Variants in PDIA6 observed in about 807,000 individuals in gnomAD.
PDIA6 encodes the protein protein disulfide-isomerase A6.
In PDIA6, 29 loss-of-function variants were observed where a neutral mutation model predicts 58.4. The ratio of observed to expected loss-of-function variants is 0.50; its 90% confidence interval spans 0.37 to 0.68. PDIA6 has a LOEUF of 0.68. Ranked by LOEUF, PDIA6 falls within the 30% of genes least tolerant of loss-of-function variation. The pLI is 0.00. For missense variants in PDIA6, 480 were observed against 551.0 expected (o/e 0.87, Z 1.29); for synonymous variants, 192 against 202.6 (o/e 0.95, Z 0.44).
Position 10,789,789 on chromosome 2 carries a change from T to C in PDIA6, c.800A>G (p.Asp267Gly). The change falls in exon 8 of 13, where the codon GAT (aspartate) becomes GGT (glycine). Residue 267 changes from aspartate to glycine, a missense_variant. Transcript: ENST00000272227. ...AGGTGGGGCGTTATCAGAAAACAAATCAAGGGCCCGGGACACGATGTCGGA... is the reference window on the plus strand; with the variant it reads ...AGGTGGGGCGTTATCAGAAAACAAACCAAGGGCCCGGGACACGATGTCGGA... Reference protein sequence around the residue: ...TRSDIVSRALDLFSDNAPPPE... With the variant: ...TRSDIVSRALGLFSDNAPPPE... 1 of 1,613,754 alleles carries C rather than the reference T, an allele frequency of 6.2e-7. No individual in the cohort carries two copies. Among genetic ancestry groups the C allele is most frequent in the Non-Finnish European group, 8.5e-7 (1 of 1,179,886 alleles).
chr2:10,836,861 G>C (rs978782912), upstream of PDIA6, among the ~76,000 whole-genome samples: 1 of 152,166 alleles, frequency 6.6e-6, no homozygotes, highest in African/African-American at 2.4e-5. Flanking sequence ...AGCAGACAGG[G>C]TTATGGGGAC....
intron 2 of PDIA6, among the ~76,000 whole-genome samples, chr2:10,801,524 T>G (rs1666511179): frequency 6.6e-6 from 1 of 152,242 alleles, no homozygotes; most frequent in Admixed American, 6.5e-5. Flanking sequence ...TTACTATTTA[T>G]GTATTTGCTA....
In PDIA6 at chr2:10,812,697, G is replaced by T; in HGVS notation, c.-1C>A. 6.5e-7 allele frequency: 1 copy of T among 1,530,106 alleles called. No homozygotes were observed. The allele number at this position is 1,530,106 out of a possible 1,614,324, so 94.8% of individuals were successfully genotyped here. ...ACCTACCGAGCACCAGGAGAGCCAT[G>T]CCGAGCGCCGGGCTACGTGCAGTCC... On this transcript the variant is annotated 5_prime_UTR_variant, in exon 1 of 13. Transcript: ENST00000272227.
Position 10,803,864 on chromosome 2 carries a change from C to T in PDIA6, c.20-1224G>A, listed in dbSNP as rs1309942267. 3.3e-5 allele frequency among the ~76,000 whole-genome samples: 5 copies of T among 151,282 alleles called. No individual in the cohort carries two copies. In the East Asian group the frequency reaches 9.7e-4, roughly 29 times the overall value. On this transcript the variant is annotated intron_variant, in intron 1 of 12. Transcript: ENST00000272227. ...CTTGTGATGCCTTGATAACTCTGAC[C>T]CTGAGTAGACCTAGGCTAATGTGCG...
chr2:10,789,194 T>TGG (rs1314784844), intron 8 of PDIA6, among the ~76,000 whole-genome samples: 1 of 151,846 alleles, frequency 6.6e-6, no homozygotes, highest in Non-Finnish European at 1.5e-5. Context: ...GTGGTGGAGG[T>TGG]GGGGTGATTA....
intron 1 of PDIA6, chr2:10,821,266 T>C: frequency 6.0e-6 from 1 of 167,638 alleles, no homozygotes; most frequent in South Asian, 1.5e-4. Flanking sequence ...CGTTGCACAG[T>C]AAGCCAGTGG....
rs766664568 is a variant in PDIA6 at position 10,802,615 on chromosome 2, C to T, written c.45G>A (p.Leu15=). The T allele has an allele frequency of 3.1e-5, 45 of 1,474,008 alleles. No homozygotes were observed. In the East Asian group the frequency reaches 1.2e-3, roughly 38 times the overall value. The allele number at this position is 1,474,008 out of a possible 1,614,324, so 91.3% of individuals were successfully genotyped here. A position where few individuals can be genotyped will look rare whatever the true frequency, so the allele number is the denominator to read the frequency against. ...TAGAGGAATACAGACCATTCACTGC[C>T]AGAAAGAAGGTACAGCTCACCAGAC... The part of the protein sequence containing the change: ...VLGLVSCTFF[L]AVNGLYSSSD... Residue 15 remains leucine, a synonymous_variant, in exon 2 of 13, where the codon CTG becomes CTA. Coordinates refer to ENST00000272227, the MANE Select transcript of PDIA6 (RefSeq NM_005742.4).
intron 2 of PDIA6, among the ~76,000 whole-genome samples, chr2:10,798,054 T>C (rs1734347): frequency 0.49 from 73,823 of 151,342 alleles, 19,465 homozygotes; most frequent in South Asian, 0.58. Context: ...GGCGTGGTGG[T>C]GCACGCTTGT....
At chr2:10,796,924 A>AT (rs1666290933) in intron 4 of PDIA6, among the ~76,000 whole-genome samples, 157 bp downstream of exon 4, 1 of 152,234 alleles carries the variant, frequency 6.6e-6, no homozygotes, top group East Asian at 1.9e-4. Flanking sequence ...CATCTTCAGA[A>AT]TGACTCGGAG....
At chr2:10,796,775 T>G (rs893658221) in intron 4 of PDIA6, among the ~76,000 whole-genome samples, 2 of 152,220 alleles carry the variant, frequency 1.3e-5, no homozygotes, top group African/African-American at 4.8e-5. Flanking sequence ...AGAAAATACA[T>G]GTAGATCTTT....
upstream of PDIA6, chr2:10,832,519 T>C: frequency 1.3e-6 from 1 of 779,452 alleles, no homozygotes; most frequent in African/African-American, 1.9e-5. Context: ...AAGGGGGCGC[T>C]CTGCCCTTGC....
upstream of PDIA6, among the ~76,000 whole-genome samples, chr2:10,814,674 A>G (rs1274849984): frequency 6.6e-6 from 1 of 152,298 alleles, no homozygotes; most frequent in East Asian, 1.9e-4. Flanking sequence ...GGATGGAGGA[A>G]TTTAATTCTC....
intron 1 of PDIA6, among the ~76,000 whole-genome samples, chr2:10,822,588 G>A (rs557847060): frequency 6.6e-6 from 1 of 152,332 alleles, no homozygotes; most frequent in East Asian, 1.9e-4. Flanking sequence ...ATGTAGCACT[G>A]CAAACAGGGA....
upstream of PDIA6, among the ~76,000 whole-genome samples, chr2:10,816,197 C>T (rs1193373362): frequency 6.6e-6 from 1 of 150,506 alleles, no homozygotes; most frequent in East Asian, 2.0e-4. Flanking sequence ...ATTCTCCTGC[C>T]TCAGCCTCCC....
At position 10,812,710 on chromosome 2, in the gene PDIA6, C is replaced by A. The variant is rs746232430; in HGVS notation, c.-14G>T. 27 of 1,522,574 alleles carry A rather than the reference C, an allele frequency of 1.8e-5. No homozygotes were observed. Among genetic ancestry groups the A allele is most frequent in the South Asian group, 7.2e-5 (6 of 83,804 alleles). 94.3% of individuals were successfully genotyped at this position (1,522,574 alleles called of 1,614,324 possible). On this transcript the variant is annotated 5_prime_UTR_variant, in exon 1 of 13. Coordinates refer to ENST00000272227, the MANE Select transcript of PDIA6 (RefSeq NM_005742.4). ...CAGGAGAGCCATGCCGAGCGCCGGGCTACGTGCAGTCCCCACCGCCGCCGC... is the reference window on the plus strand; with the variant it reads ...CAGGAGAGCCATGCCGAGCGCCGGGATACGTGCAGTCCCCACCGCCGCCGC...
intron 1 of PDIA6, among the ~76,000 whole-genome samples, chr2:10,805,064 C>T (rs1666677469): frequency 6.6e-6 from 1 of 151,892 alleles, no homozygotes; most frequent in Non-Finnish European, 1.5e-5. Flanking sequence ...ACAAATGGAT[C>T]TAATTAAACT....
At chr2:10,812,588 G>T in intron 1 of PDIA6, 90 bp downstream of exon 1, 6 of 1,319,838 alleles carry the variant, frequency 4.5e-6, no homozygotes, top group Non-Finnish European at 6.0e-6. Context: ...GGCCGCCTGC[G>T]GCCGCGGCCC....
chr2:10,822,356 G>A (rs1258921184), intron 1 of PDIA6, among the ~76,000 whole-genome samples: 2 of 151,906 alleles, frequency 1.3e-5, no homozygotes, highest in Admixed American at 1.3e-4. Flanking sequence ...TCCGCCTCCC[G>A]GGTTCATGCC....
In PDIA6 at chr2:10,796,060, C is replaced by CTTT. The variant is rs78611007; in HGVS notation, c.346+1018_346+1020dup. Among the ~76,000 whole-genome samples the CTTT allele has an allele frequency of 2.2e-4, 32 of 144,136 alleles. 1 individual carries two copies. The highest frequency in any genetic ancestry group is 5.2e-4 in the African/African-American group (19 of 36,240). The allele number at this position is 144,136 out of a possible 152,430, so 94.6% of individuals were successfully genotyped here. A position where few individuals can be genotyped will look rare whatever the true frequency, so the allele number is the denominator to read the frequency against. Reference sequence around the variant, plus strand: ...AAATAGAATAATCTGTTTGTGATATCTTTTTTTTTTTTTTTTTTTGAGACG... The same window carrying CTTT: ...AAATAGAATAATCTGTTTGTGATATCTTTTTTTTTTTTTTTTTTTTTTGAGACG... On this transcript the variant is annotated intron_variant, in intron 4 of 12. Coordinates refer to ENST00000272227, the MANE Select transcript of PDIA6 (RefSeq NM_005742.4).
Sources: gnomAD v4.1 joint callset for allele counts (sites outside exome capture counted in the v4.1 genomes callset) on GRCh38, gnomAD v4.1.1 for gene constraint, MANE v1.5 for transcripts, NCBI Gene and HGNC (gene_info 2026-07-23, HGNC 2026-07-21) for gene names.